The following RHBDL2 variants were observed in gnomAD, a reference collection of about 807,000 sequenced individuals.
The protein encoded by RHBDL2 is rhomboid like 2, also known as rhomboid-related protein 2.
In RHBDL2, 26 loss-of-function variants were observed where a neutral mutation model predicts 31.7. The observed-to-expected ratio is 0.82, with a 90% CI of 0.60 to 1.14. The LOEUF (loss-of-function observed/expected upper bound fraction) is 1.14, where lower values mean the gene tolerates loss of function less well. Among genes scored for constraint, RHBDL2 ranks in the 50% most tolerant of loss-of-function variants. RHBDL2 has a pLI of 0.00. For missense variants in RHBDL2, 336 were observed against 364.4 expected (o/e 0.92, Z 0.63); for synonymous variants, 123 against 127.2 (o/e 0.97, Z 0.22).
At chr1:38,920,166 C>CTTTTTTTTTTTT (rs71057165) in intron 1 of RHBDL2, among the ~76,000 whole-genome samples, 1 of 111,402 alleles carries the variant, frequency 9.0e-6, no homozygotes. Context: ...CACATGTTTT[C>CTTTTTTTTTTTT]TTTTTTTTTT....
chr1:38,926,009 C>T (rs1033255429), intron 1 of RHBDL2: 22 of 1,271,576 alleles, frequency 1.7e-5, no homozygotes, highest in South Asian at 1.0e-4. Flanking sequence ...GATTCTTTGA[C>T]AACATGTACG....
intron 1 of RHBDL2, 65 bp from the exon 2 acceptor site, chr1:38,919,402 A>G: frequency 1.4e-6 from 2 of 1,434,152 alleles, no homozygotes; most frequent in South Asian, 1.5e-5. Context: ...ATGGCCCAAA[A>G]TAAAGTTTTC....
Position 38,929,606 on chromosome 1 carries a change from C to A in RHBDL2, c.-125-10269G>T, listed in dbSNP as rs1375703608. On this transcript the variant is annotated intron_variant, in intron 1 of 7. Coordinates refer to ENST00000372990, the MANE Select transcript of RHBDL2 (RefSeq NM_017821.5). ...GGCAGGCCCCTGCCGGGGCTGAGAC[C>A]CGCCTTGATGTGGCTGGGGAGCTCA... The A allele has an allele frequency of 9.8e-5, 124 of 1,270,810 alleles. 3 individuals are homozygous for A. Among genetic ancestry groups the A allele is most frequent in the Non-Finnish European group, 1.2e-5 (12 of 978,896 alleles). 78.7% of individuals were successfully genotyped at this position (1,270,810 alleles called of 1,614,324 possible).
intron 4 of RHBDL2, among the ~76,000 whole-genome samples, chr1:38,908,525 A>C (rs535513140): frequency 7.9e-5 from 12 of 151,620 alleles, no homozygotes; most frequent in South Asian, 4.1e-4. Flanking sequence ...AAAAAAAAAA[A>C]AAAAAAAAAA....
chr1:38,902,424 A>AT (rs55866849), intron 4 of RHBDL2, among the ~76,000 whole-genome samples: 78 of 127,966 alleles, frequency 6.1e-4, no homozygotes, highest in African/African-American at 1.5e-3. Flanking sequence ...TTTTTTTATT[A>AT]TTTTTTTTTT....
intron 1 of RHBDL2, chr1:38,929,309 C>A: frequency 7.2e-6 from 7 of 966,304 alleles, no homozygotes; most frequent in Non-Finnish European, 9.9e-6. Context: ...CCCACTGCTA[C>A]GACGAGGACT....
intron 3 of RHBDL2, among the ~76,000 whole-genome samples, chr1:38,911,653 C>CGA (rs1557615188): frequency 6.9e-6 from 1 of 145,258 alleles, no homozygotes; most frequent in African/African-American, 2.6e-5. Flanking sequence ...TGTGCGCGCG[C>CGA]GCGCGCGTGT....
At chr1:38,937,806 T>C (rs563923797) in intron 1 of RHBDL2, among the ~76,000 whole-genome samples, 218 of 152,294 alleles carry the variant, frequency 1.4e-3, no homozygotes, top group Admixed American at 2.5e-3. Flanking sequence ...TGTGACCCAG[T>C]ATACAGCTGA....
At chr1:38,927,995 C>T (rs1030363171) in intron 1 of RHBDL2, among the ~76,000 whole-genome samples, 1 of 151,880 alleles carries the variant, frequency 6.6e-6, no homozygotes, top group Non-Finnish European at 1.5e-5. Flanking sequence ...TTTCTACGCA[C>T]CAAGTGTTAT....
chr1:38,890,309 C>T (rs35750427), intron 6 of RHBDL2, among the ~76,000 whole-genome samples: 11,994 of 152,174 alleles, frequency 0.079, 500 homozygotes, highest in Middle Eastern at 0.17. Flanking sequence ...CGTGAGCTAC[C>T]GTGCCTGGCC....
intron 1 of RHBDL2, among the ~76,000 whole-genome samples, chr1:38,939,966 G>A (rs968847178): frequency 2.0e-5 from 3 of 151,722 alleles, no homozygotes; most frequent in African/African-American, 4.8e-5. Flanking sequence ...ATGAGTCACC[G>A]CCCCCAGCCT....
At chr1:38,902,896 A>G (rs1372268076) in intron 4 of RHBDL2, among the ~76,000 whole-genome samples, 1 of 152,172 alleles carries the variant, frequency 6.6e-6, no homozygotes, top group Non-Finnish European at 1.5e-5. Flanking sequence ...ACATCTTTGG[A>G]AAAACACACA....
At chr1:38,890,028 TATA>T (rs1238560322) in intron 6 of RHBDL2, among the ~76,000 whole-genome samples, 1 of 151,972 alleles carries the variant, frequency 6.6e-6, no homozygotes, top group African/African-American at 2.4e-5. Context: ...CATGAGGCTA[TATA>T]ATATTTTCTT....
At chr1:38,887,669 G>A (rs1189804894) in intron 7 of RHBDL2, among the ~76,000 whole-genome samples, 3 of 149,982 alleles carry the variant, frequency 2.0e-5, no homozygotes, top group African/African-American at 7.3e-5. Flanking sequence ...GTGATCCGCC[G>A]ATCTTGGCTT....
intron 1 of RHBDL2, among the ~76,000 whole-genome samples, chr1:38,921,740 C>T (rs1023637478): frequency 2.6e-5 from 4 of 152,142 alleles, no homozygotes; most frequent in African/African-American, 4.8e-5. Flanking sequence ...GACATTCAGT[C>T]CATAGATATA....
At chr1:38,892,174 G>A (rs568804445) in intron 6 of RHBDL2, among the ~76,000 whole-genome samples, 4 of 152,126 alleles carry the variant, frequency 2.6e-5, no homozygotes, top group East Asian at 1.9e-4. Context: ...ACGGTTGCCC[G>A]CTGCCACCTG....
At chr1:38,926,291 A>G (rs950098495) in intron 1 of RHBDL2, 3 of 867,286 alleles carry the variant, frequency 3.5e-6, no homozygotes, top group African/African-American at 3.6e-5. Context: ...CCAGCATCCA[A>G]CGCCAGCTGT....
chr1:38,926,019 G>A (rs953649092), intron 1 of RHBDL2: 5 of 1,261,408 alleles, frequency 4.0e-6, no homozygotes, highest in South Asian at 1.3e-5. Flanking sequence ...CAACATGTAC[G>A]TAGTCGTCAT....
At chr1:38,924,249 T>C (rs1288849007) in intron 1 of RHBDL2, among the ~76,000 whole-genome samples, 1 of 151,972 alleles carries the variant, frequency 6.6e-6, no homozygotes, top group African/African-American at 2.4e-5. Flanking sequence ...AATCCACAAG[T>C]ATTCTCAAGA....
Sources: gnomAD v4.1 joint callset for allele counts (sites outside exome capture counted in the v4.1 genomes callset) on GRCh38, gnomAD v4.1.1 for gene constraint, MANE v1.5 for transcripts, NCBI Gene and HGNC (gene_info 2026-07-23, HGNC 2026-07-21) for gene names.